SLC5A5: variants seen among roughly 807,000 people sequenced by gnomAD.
SLC5A5 encodes solute carrier family 5 member 5, also known as sodium/iodide cotransporter.
A neutral mutation model predicts 68.6 loss-of-function variants in SLC5A5; 56 were observed. The ratio of observed to expected loss-of-function variants is 0.82; its 90% CI spans 0.66 to 1.02. SLC5A5 has a LOEUF of 1.02. SLC5A5 is among the 50% of genes least tolerant of loss of function. The pLI is 0.00. For missense variants in SLC5A5, 807 were observed against 859.8 expected (o/e 0.94, Z 0.77); for synonymous variants, 398 against 373.0 (o/e 1.07, Z -0.77).
At chr19:17,876,871 A>T (rs1568420150) in intron 5 of SLC5A5, among the ~76,000 whole-genome samples, 1 of 151,754 alleles carries the variant, frequency 6.6e-6, no homozygotes, top group Non-Finnish European at 1.5e-5. Context: ...CCCCCTAAAA[A>T]AAAAAAAAAT....
At chr19:17,881,602 T>C (rs930318619) in intron 8 of SLC5A5, among the ~76,000 whole-genome samples, 1 of 152,194 alleles carries the variant, frequency 6.6e-6, no homozygotes, top group African/African-American at 2.4e-5. Flanking sequence ...GGCACAGCCA[T>C]GACCAAGCAG....
At chr19:17,882,998 T>G (rs1304681836) in intron 10 of SLC5A5, among the ~76,000 whole-genome samples, 1 of 152,064 alleles carries the variant, frequency 6.6e-6, no homozygotes, top group East Asian at 1.9e-4. Context: ...TTTTGTATTT[T>G]TATTAGAGAT....
Position 17,877,810 on chromosome 19 carries a change from C to G in SLC5A5, c.786C>G (p.Asn262Lys). Reference sequence around the variant, plus strand: ...TGTGGCTCTCCATGTATGGCGTGAACCAGGCGCAGGTGCAGCGCTACGTGG... The same window carrying G: ...TGTGGCTCTCCATGTATGGCGTGAAGCAGGCGCAGGTGCAGCGCTACGTGG... ...TLVWLSMYGVNQAQVQRYVAC... is the reference protein window; with the variant it reads ...TLVWLSMYGVKQAQVQRYVAC... The change falls in exon 6 of 15, where the codon AAC becomes AAG. Residue 262 changes from asparagine to lysine, a missense_variant. Asn to Lys is a moderately conservative substitution (Grantham distance 94). Transcript: ENST00000222248. The G allele has an allele frequency of 6.2e-7, 1 of 1,614,204 alleles. No homozygotes were observed. Among genetic ancestry groups the G allele is most frequent in the Non-Finnish European group, 8.5e-7 (1 of 1,180,042 alleles).
intron 13 of SLC5A5, among the ~76,000 whole-genome samples, chr19:17,889,206 G>T (rs532728326): frequency 6.6e-6 from 1 of 151,764 alleles, no homozygotes; most frequent in Non-Finnish European, 1.5e-5. Flanking sequence ...AGACCAGCCC[G>T]GCCAACATGG....
intron 14 of SLC5A5, among the ~76,000 whole-genome samples, chr19:17,892,985 T>C (rs919785274): frequency 1.4e-5 from 2 of 146,138 alleles, no homozygotes; most frequent in African/African-American, 5.0e-5. Context: ...CTCTTTTCTT[T>C]TCCTTTCTCT....
At position 17,882,027 on chromosome 19, in the gene SLC5A5, C is replaced by T. The variant is rs375999547; in HGVS notation, c.1126C>T (p.Arg376Trp). 73 of 1,614,026 alleles carry T rather than the reference C, an allele frequency of 4.5e-5. No individual in the cohort carries two copies. In the Middle Eastern group the frequency reaches 8.2e-4, roughly 18 times the overall value. Residue 376 changes from arginine (R) to tryptophan (W), a missense_variant, in exon 9 of 15, where the codon CGG becomes TGG. Arg to Trp is a moderately radical substitution (Grantham distance 101). Transcript: ENST00000222248. ...TVEDLIKPRL[R>W]SLAPRKLVII... ...AGAAGACCTCATCAAACCTCGGCTGCGGAGCCTGGCACCCAGGAAACTCGT... is the reference window on the plus strand; with the variant it reads ...AGAAGACCTCATCAAACCTCGGCTGTGGAGCCTGGCACCCAGGAAACTCGT...
At chr19:17,881,617 C>G (rs1231238321) in intron 8 of SLC5A5, among the ~76,000 whole-genome samples, 1 of 152,196 alleles carries the variant, frequency 6.6e-6, no homozygotes, top group Admixed American at 6.5e-5. Flanking sequence ...AAGCAGTCCC[C>G]TGCTTCTGCC....
In SLC5A5 at chr19:17,877,755, T is replaced by C. The variant is rs773360034; in HGVS notation, c.731T>C (p.Phe244Ser). 1 of 1,614,200 alleles carries C rather than the reference T, an allele frequency of 6.2e-7. No homozygotes were observed. Among genetic ancestry groups the C allele is most frequent in the Non-Finnish European group, 8.5e-7 (1 of 1,180,038 alleles). Residue 244 changes from phenylalanine to serine, a missense_variant, in exon 6 of 15, where the codon TTC becomes TCC. By Grantham distance (155) the Phe-to-Ser change is radical. Coordinates refer to ENST00000222248, the MANE Select transcript of SLC5A5 (RefSeq NM_000453.3). ...CCTGACCCGAGGAGCCGCTATACAT[T>C]CTGGACTTTTGTGGTGGGTGGCACG... is the stretch of plus-strand genomic sequence containing the variant. ...FNPDPRSRYT[F>S]WTFVVGGTLV...
At chr19:17,882,975 G>A (rs1187505948) in intron 10 of SLC5A5, among the ~76,000 whole-genome samples, 4 of 151,930 alleles carry the variant, frequency 2.6e-5, no homozygotes, top group Admixed American at 6.6e-5. Flanking sequence ...GAGCCACCGC[G>A]CCCAGCTTAT....
At position 17,878,068 on chromosome 19, in the gene SLC5A5, T is replaced by A; in HGVS notation, c.944T>A (p.Leu315Gln). 1 of 1,612,308 alleles carries A rather than the reference T, an allele frequency of 6.2e-7. No individual in the cohort carries two copies. Among genetic ancestry groups the A allele is most frequent in the African/African-American group, 1.3e-5 (1 of 75,064 alleles). ...VFYTDCDPLL[L>Q]GRISAPDQYM... is the part of the protein sequence containing the mutation. ...TACACTGACTGCGACCCTCTCCTCCTGGGGCGCATCTCTGCCCCAGACCAG... is the reference window on the plus strand; with the variant it reads ...TACACTGACTGCGACCCTCTCCTCCAGGGGCGCATCTCTGCCCCAGACCAG... The change falls in exon 7 of 15, where the codon CTG becomes CAG. Residue 315 changes from leucine to glutamine, a missense_variant. By Grantham distance (113) the Leu-to-Gln change is moderately radical. Transcript: ENST00000222248.
chr19:17,884,064 T>TA lies in SLC5A5; in HGVS notation c.1526+19dup. Reference sequence around the variant, plus strand: ...GCCCCCAGGTGAGCAGACTTGAGGGTAGGGGGGTACCCGAGCCCTGGATGG... The same window carrying TA: ...GCCCCCAGGTGAGCAGACTTGAGGGTAAGGGGGGTACCCGAGCCCTGGATGG... On this transcript the variant is annotated intron_variant, in intron 12 of 14. Transcript: ENST00000222248. 6.5e-7 allele frequency: 1 copy of TA among 1,545,998 alleles called. No homozygotes were observed. The highest frequency in any genetic ancestry group is 8.7e-7 in the Non-Finnish European group (1 of 1,147,380).
chr19:17,885,349 T>C (rs2094330902), intron 12 of SLC5A5, among the ~76,000 whole-genome samples: 2 of 151,604 alleles, frequency 1.3e-5, no homozygotes, highest in African/African-American at 4.8e-5. Context: ...ATTTATTTAT[T>C]TTGGTTTTTT....
chr19:17,883,530 G>C (rs1043127733), intron 10 of SLC5A5, 151 bp from the exon 11 acceptor site: 3 of 728,104 alleles, frequency 4.1e-6, no homozygotes, highest in East Asian at 5.1e-5. Context: ...CAAGGGGGGG[G>C]GGTCCTCTCC....
chr19:17,881,073 C>T, intron 8 of SLC5A5, 120 bp downstream of exon 8: 1 of 800,682 alleles, frequency 1.2e-6, no homozygotes, highest in Admixed American at 2.0e-5. Context: ...CCAGTTCCTG[C>T]TTGATCCCTA....
intron 10 of SLC5A5, 68 bp downstream of exon 10, chr19:17,882,287 A>T: frequency 1.5e-6 from 2 of 1,298,476 alleles, no homozygotes; most frequent in South Asian, 1.2e-5. Context: ...CTTTCCCATT[A>T]AACTGAGGCT....
intron 14 of SLC5A5, among the ~76,000 whole-genome samples, chr19:17,891,557 T>A (rs936070393): frequency 5.3e-5 from 8 of 152,186 alleles, no homozygotes; most frequent in African/African-American, 1.9e-4. Flanking sequence ...CAAAGTTGAA[T>A]ACTATTCCTT....
intron 13 of SLC5A5, among the ~76,000 whole-genome samples, chr19:17,889,635 G>T (rs1329387210): frequency 6.6e-6 from 1 of 152,052 alleles, no homozygotes; most frequent in Non-Finnish European, 1.5e-5. Context: ...AACGTGCCCG[G>T]CTCACATTTA....
At chr19:17,885,853 C>G (rs537546175) in intron 12 of SLC5A5, among the ~76,000 whole-genome samples, 2 of 151,868 alleles carry the variant, frequency 1.3e-5, no homozygotes, top group East Asian at 3.9e-4. Context: ...TCTTTTGTGT[C>G]TTAGCATAAT....
In SLC5A5 at chr19:17,892,652, CAGAGAGAGAGAGAG is replaced by C. The variant is rs58081153; in HGVS notation, c.1768-1028_1768-1015del. Among the ~76,000 whole-genome samples, 935 of 97,398 alleles carry C rather than the reference CAGAGAGAGAGAGAG, an allele frequency of 9.6e-3. 20 individuals are homozygous for C. Among genetic ancestry groups the C allele is most frequent in the African/African-American group, 0.03 (850 of 28,368 alleles). The allele number at this position is 97,398 out of a possible 152,430, so 63.9% of individuals were successfully genotyped here. A position where few individuals can be genotyped will look rare whatever the true frequency, so the allele number is the denominator to read the frequency against. On this transcript the variant is annotated intron_variant, in intron 14 of 14. Transcript: ENST00000222248. ...GACACTGTCAGAAAGAAAGAAAAGA[CAGAGAGAGAGAGAG>C]AGAGAGAGAGAGAGAGAGAGAGAGA...
Sources: allele counts gnomAD v4.1 joint callset (sites outside exome capture counted in the v4.1 genomes callset), GRCh38; gene constraint gnomAD v4.1.1; transcripts MANE v1.5; gene names NCBI Gene and HGNC (gene_info 2026-07-23, HGNC 2026-07-21).